Variants in CFAP206 observed in about 807,000 individuals in gnomAD.
CFAP206 encodes cilia- and flagella-associated protein 206.
CFAP206 carries 53 observed loss-of-function variants against 65.4 expected under a neutral mutation model. The ratio of observed to expected loss-of-function variants is 0.81; its 90% CI spans 0.65 to 1.02. The LOEUF is 1.02. Among genes scored for constraint, CFAP206 ranks in the 50% least tolerant of loss-of-function variants. The pLI, the probability that CFAP206 is intolerant of heterozygous loss-of-function variation, is 0.00. For synonymous variants in CFAP206, 250 were observed against 254.4 expected, an observed-to-expected ratio of 0.98 and a Z score of 0.17; for missense variants, 663 against 753.2, an observed-to-expected ratio of 0.88 and a Z score of 1.40.
chr6:87,457,794 A>C (rs1768674691), intron 11 of CFAP206, among the ~76,000 whole-genome samples: 1 of 152,206 alleles, frequency 6.6e-6, no homozygotes, highest in African/African-American at 2.4e-5. Context: ...CCCCACCAGC[A>C]CAGACAACCA....
In CFAP206 at chr6:87,408,078, A is replaced by T. The variant is rs1767656215; in HGVS notation, c.-17A>T. 5.1e-6 allele frequency: 5 copies of T among 985,228 alleles called. No homozygotes were observed. In the South Asian group the frequency reaches 2.3e-4, roughly 46 times the overall value. The allele number at this position is 985,228 out of a possible 1,614,324, so 61.0% of individuals were successfully genotyped here. The stretch of plus-strand genomic sequence containing the variant: ...CAGACAGACACGGCTCCTGCTGTCG[A>T]TTCCGATCCAGGTCAGCCTACTCGG... On this transcript the variant is annotated 5_prime_UTR_variant, in exon 1 of 13. Coordinates refer to ENST00000369562, the MANE Select transcript of CFAP206 (RefSeq NM_001031743.3).
chr6:87,435,145 A>G, intron 11 of CFAP206, 92 bp downstream of exon 11: 1 of 894,460 alleles, frequency 1.1e-6, no homozygotes, highest in Non-Finnish European at 1.7e-6. Flanking sequence ...TCCCAGGTCC[A>G]CACAGAGAGA....
intron 3 of CFAP206, among the ~76,000 whole-genome samples, chr6:87,412,439 G>A (rs1469072877): frequency 1.3e-5 from 2 of 152,058 alleles, no homozygotes; most frequent in African/African-American, 4.8e-5. Context: ...TGAAGGAAGT[G>A]GGGGAGGGAG....
intron 11 of CFAP206, among the ~76,000 whole-genome samples, chr6:87,443,601 A>G (rs1768389774): frequency 6.6e-6 from 1 of 152,076 alleles, no homozygotes; most frequent in Non-Finnish European, 1.5e-5. Flanking sequence ...TGAGAGTTGT[A>G]TGTCACATAA....
chr6:87,461,259 AT>A, intron 12 of CFAP206, 94 bp downstream of exon 12: 1 of 842,156 alleles, frequency 1.2e-6, no homozygotes, highest in East Asian at 3.3e-5. Context: ...TTTATATAAA[AT>A]AATGAGTTTT....
intron 12 of CFAP206, among the ~76,000 whole-genome samples, chr6:87,463,120 A>G (rs927814777): frequency 2.0e-5 from 3 of 152,172 alleles, no homozygotes; most frequent in African/African-American, 7.2e-5. Flanking sequence ...AGATTTTTTG[A>G]GGCAAGGGAT....
At chr6:87,434,680 T>TAG (rs2127952853) in intron 10 of CFAP206, among the ~76,000 whole-genome samples, 180 bp from the exon 11 acceptor site, 1 of 152,116 alleles carries the variant, frequency 6.6e-6, no homozygotes, top group East Asian at 1.9e-4. Context: ...GTATTTTTAG[T>TAG]AGAGACGGGG....
At chr6:87,415,056 C>A (rs1301316182) in intron 4 of CFAP206, among the ~76,000 whole-genome samples, 2 of 152,052 alleles carry the variant, frequency 1.3e-5, no homozygotes, top group African/African-American at 2.4e-5. Flanking sequence ...ATTGTACTTG[C>A]AACAACTCAG....
intron 7 of CFAP206, among the ~76,000 whole-genome samples, chr6:87,420,520 T>C (rs1767920753): frequency 6.6e-6 from 1 of 152,252 alleles, no homozygotes; most frequent in African/African-American, 2.4e-5. Flanking sequence ...TGCCACTTAC[T>C]AAATCTGTGT....
At chr6:87,462,641 AGAG>A (rs1240019987) in intron 12 of CFAP206, among the ~76,000 whole-genome samples, 3 of 152,198 alleles carry the variant, frequency 2.0e-5, no homozygotes, top group Admixed American at 2.0e-4. Context: ...AAATAGGCAA[AGAG>A]GAGGAGGGAA....
chr6:87,448,741 A>G (rs1768491076), intron 11 of CFAP206, among the ~76,000 whole-genome samples: 1 of 152,064 alleles, frequency 6.6e-6, no homozygotes, highest in African/African-American at 2.4e-5. Context: ...TAGCTCCTAC[A>G]TGAGTGAAAC....
chr6:87,444,929 G>C (rs1019109306), intron 11 of CFAP206: 6 of 532,330 alleles, frequency 1.1e-5, no homozygotes, highest in African/African-American at 1.9e-5. Context: ...AGCCTGGGCT[G>C]AATCAGGATT....
chr6:87,413,031 A>AAT (rs1340437670), intron 3 of CFAP206, among the ~76,000 whole-genome samples: 1 of 151,044 alleles, frequency 6.6e-6, no homozygotes, highest in Non-Finnish European at 1.5e-5. Context: ...GGAACTCTAG[A>AAT]AGAGTTTTAG....
At position 87,408,081 on chromosome 6, in the gene CFAP206, C is replaced by G. The variant is rs1767656308; in HGVS notation, c.-14C>G. On this transcript the variant is annotated 5_prime_UTR_variant, in exon 1 of 13. Transcript: ENST00000369562. ...ACAGACACGGCTCCTGCTGTCGATT[C>G]CGATCCAGGTCAGCCTACTCGGGGC... 2.0e-6 allele frequency: 2 copies of G among 985,286 alleles called. No homozygotes were observed. The highest frequency in any genetic ancestry group is 4.7e-5 in the South Asian group (1 of 21,294). 61.0% of individuals were successfully genotyped at this position (985,286 alleles called of 1,614,324 possible).
At chr6:87,433,735 TA>T (rs1440967582) in intron 10 of CFAP206, among the ~76,000 whole-genome samples, 1 of 152,234 alleles carries the variant, frequency 6.6e-6, no homozygotes, top group Non-Finnish European at 1.5e-5. Context: ...ACATATCATT[TA>T]AAAATGTATA....
intron 6 of CFAP206, 111 bp from the exon 7 acceptor site, chr6:87,418,097 T>C (rs1458312592): frequency 1.1e-6 from 1 of 922,062 alleles, no homozygotes; most frequent in African/African-American, 1.7e-5. Context: ...CTAATTTGAT[T>C]GGGGAGAAAA....
In CFAP206 at chr6:87,413,884, G is replaced by A; in HGVS notation, c.267G>A (p.Met89Ile). Residue 89 changes from methionine to isoleucine, a missense_variant, in exon 4 of 13, where the codon ATG (methionine) becomes ATA (isoleucine). Coordinates refer to ENST00000369562, the MANE Select transcript of CFAP206 (RefSeq NM_001031743.3). ...TTAAGATGCAAGTCTACTTCGATAT[G>A]AATTATACGAATCGAGGTAATGTAT... ...DTIKMQVYFD[M>I]NYTNRVEFLE... The A allele has an allele frequency of 6.5e-7, 1 of 1,534,230 alleles. No homozygotes were observed. Among genetic ancestry groups the A allele is most frequent in the Non-Finnish European group, 8.7e-7 (1 of 1,147,964 alleles).
chr6:87,409,520 C>G (rs1767690308), intron 1 of CFAP206, among the ~76,000 whole-genome samples: 1 of 115,824 alleles, frequency 8.6e-6, no homozygotes, highest in African/African-American at 3.4e-5. Context: ...GCCTGCTTAG[C>G]CTTTTTTTTT....
intron 7 of CFAP206, among the ~76,000 whole-genome samples, chr6:87,424,149 C>T (rs35580717): frequency 0.038 from 5,742 of 152,254 alleles, 132 homozygotes; most frequent in Middle Eastern, 0.078. Flanking sequence ...ATTGCTACCC[C>T]TTATTAGCTG....
Sources: allele counts gnomAD v4.1 joint callset (sites outside exome capture counted in the v4.1 genomes callset), GRCh38; gene constraint gnomAD v4.1.1; transcripts MANE v1.5; gene names NCBI Gene and HGNC (gene_info 2026-07-23, HGNC 2026-07-21).